Variants in CPEB1 observed in about 807,000 individuals in gnomAD.
CPEB1 encodes cytoplasmic polyadenylation element-binding protein 1.
CPEB1 carries 7 observed loss-of-function variants against 65.8 expected under a neutral mutation model. That is an observed-to-expected ratio of 0.11 (90% CI 0.06 to 0.20). The LOEUF is 0.20. CPEB1 is among the 10% of genes least tolerant of loss of function. CPEB1 has a pLI of 1.00. For missense variants in CPEB1, 551 were observed against 712.2 expected (o/e 0.77, Z 2.58); for synonymous variants, 262 against 260.0 (o/e 1.01, Z -0.08).
chr15:82,566,411 C>T (rs2151022758), intron 4 of CPEB1, among the ~76,000 whole-genome samples: 1 of 152,316 alleles, frequency 6.6e-6, no homozygotes. Flanking sequence ...AGGTTGCTTA[C>T]TCAGGATCTC....
intron 3 of CPEB1, among the ~76,000 whole-genome samples, chr15:82,586,329 C>T (rs2041798358): frequency 6.6e-6 from 1 of 151,096 alleles, no homozygotes; most frequent in South Asian, 2.1e-4. Context: ...GTGGCTTTTC[C>T]TTTACATCAA....
chr15:82,644,590 A>T (rs2047352384), intron 1 of CPEB1, among the ~76,000 whole-genome samples: 4 of 152,190 alleles, frequency 2.6e-5, no homozygotes, highest in Admixed American at 2.6e-4. Context: ...CCATCAAAAT[A>T]GAGATAGCCA....
At position 82,627,356 on chromosome 15, in the gene CPEB1, T is replaced by C. The variant is rs766627809; in HGVS notation, c.108A>G (p.Ala36=). 1 of 1,611,860 alleles carries C rather than the reference T, an allele frequency of 6.2e-7. No homozygotes were observed. Residue 36 remains alanine (A), a synonymous_variant, in exon 3 of 13, where the codon GCA becomes GCG. Coordinates refer to ENST00000684509, the MANE Select transcript of CPEB1 (RefSeq NM_001365242.1). ...CLLLIPLEEE[A]GRIKDCWDNQ... ...TGTCCCAGCAATCTTTTATCCTTCC[T>C]GCTTCTTCTTCCTAGACACAGAAAA... is the stretch of plus-strand genomic sequence containing the variant.
At chr15:82,616,382 T>C (rs2044711283) in intron 3 of CPEB1, among the ~76,000 whole-genome samples, 1 of 152,122 alleles carries the variant, frequency 6.6e-6, no homozygotes, top group African/African-American at 2.4e-5. Flanking sequence ...TCAGGAGAGT[T>C]ATCTCTAGGA....
intron 3 of CPEB1, among the ~76,000 whole-genome samples, chr15:82,612,926 A>G (rs998506469): frequency 3.3e-5 from 5 of 152,164 alleles, no homozygotes; most frequent in African/African-American, 1.2e-4. Flanking sequence ...AAAAACAAAA[A>G]CAAACAAAAA....
chr15:82,567,125 A>C (rs1373819978), intron 4 of CPEB1, among the ~76,000 whole-genome samples: 2 of 152,220 alleles, frequency 1.3e-5, no homozygotes, highest in East Asian at 3.9e-4. Context: ...AAGATTTACA[A>C]GAGACCTGGT....
chr15:82,553,580 G>C (rs200951302), intron 7 of CPEB1, 24 bp from the exon 8 acceptor site: 2 of 1,537,180 alleles, frequency 1.3e-6, no homozygotes, highest in East Asian at 4.5e-5. Context: ...GAAAAGAATG[G>C]CAGAAGCTGA....
intron 1 of CPEB1, among the ~76,000 whole-genome samples, chr15:82,646,845 A>C (rs1185399543): frequency 6.6e-6 from 1 of 152,008 alleles, no homozygotes; most frequent in African/African-American, 2.4e-5. Context: ...GAGTCCCCCC[A>C]CACTCAGGTG....
chr15:82,594,122 G>A (rs1166383420), intron 3 of CPEB1, among the ~76,000 whole-genome samples: 1 of 152,174 alleles, frequency 6.6e-6, no homozygotes, highest in African/African-American at 2.4e-5. Flanking sequence ...GTTCTTCAAA[G>A]CTTTGAAGCC....
chr15:82,586,434 A>G (rs2041809146), intron 3 of CPEB1, among the ~76,000 whole-genome samples: 1 of 152,206 alleles, frequency 6.6e-6, no homozygotes, highest in South Asian at 2.1e-4. Context: ...GCACTATGTT[A>G]AAAGTGCTTT....
At chr15:82,634,991 C>G (rs2046544193) in intron 1 of CPEB1, among the ~76,000 whole-genome samples, 1 of 152,080 alleles carries the variant, frequency 6.6e-6, no homozygotes, top group African/African-American at 2.4e-5. Context: ...GTAGCTGGGA[C>G]TACAGGCATG....
chr15:82,628,881 C>A, intron 1 of CPEB1: 1 of 168,700 alleles, frequency 5.9e-6, no homozygotes, highest in Non-Finnish European at 1.3e-5. Context: ...CGTAAGAATA[C>A]GGTATAAAAT....
chr15:82,610,698 C>G (rs1195681543), intron 3 of CPEB1, among the ~76,000 whole-genome samples: 4 of 151,964 alleles, frequency 2.6e-5, no homozygotes, highest in African/African-American at 9.7e-5. Context: ...TCACTCACGC[C>G]TGTAATCCCA....
chr15:82,596,282 G>A (rs555854095), intron 3 of CPEB1, among the ~76,000 whole-genome samples: 1 of 152,092 alleles, frequency 6.6e-6, no homozygotes, highest in African/African-American at 2.4e-5. Flanking sequence ...ATAATATTCT[G>A]ACCGAATTCA....
At chr15:82,630,559 T>C (rs916658772) in intron 1 of CPEB1, among the ~76,000 whole-genome samples, 1 of 151,882 alleles carries the variant, frequency 6.6e-6, no homozygotes, top group African/African-American at 2.4e-5. Flanking sequence ...TGAGCAGAGA[T>C]TGTGCCACCA....
chr15:82,566,966 C>T (rs1437675231), intron 4 of CPEB1, among the ~76,000 whole-genome samples: 2 of 152,048 alleles, frequency 1.3e-5, no homozygotes, highest in African/African-American at 2.4e-5. Flanking sequence ...ATGGGAGAGA[C>T]CTTGTCTGAA....
At chr15:82,560,946 G>A (rs528292410) in intron 4 of CPEB1, among the ~76,000 whole-genome samples, 2 of 152,258 alleles carry the variant, frequency 1.3e-5, no homozygotes, top group African/African-American at 2.4e-5. Context: ...TGTGACAACA[G>A]AATTGATGAT....
At chr15:82,627,947 G>A (rs1267563901) in intron 2 of CPEB1, among the ~76,000 whole-genome samples, 1 of 152,124 alleles carries the variant, frequency 6.6e-6, no homozygotes, top group Admixed American at 6.5e-5. Context: ...TGGCCACCCA[G>A]AATGCCATGA....
upstream of CPEB1, chr15:82,648,306 G>A (rs1159599688): frequency 6.2e-6 from 1 of 162,194 alleles, no homozygotes; most frequent in African/African-American, 2.4e-5. Flanking sequence ...GCCCCTGCGA[G>A]CGGCGGCGAT....
Sources: allele counts gnomAD v4.1 joint callset (sites outside exome capture counted in the v4.1 genomes callset), GRCh38; gene constraint gnomAD v4.1.1; transcripts MANE v1.5; gene names NCBI Gene and HGNC (gene_info 2026-07-23, HGNC 2026-07-21).